The following R3HDM1 variants were observed in gnomAD, a reference collection of about 807,000 sequenced individuals.
The protein encoded by R3HDM1 is R3H domain containing 1.
In R3HDM1, 46 loss-of-function variants were observed where a neutral mutation model predicts 141.1. The observed-to-expected ratio is 0.33, with a 90% confidence interval of 0.26 to 0.42. The LOEUF (loss-of-function observed/expected upper bound fraction) is 0.42. R3HDM1 is among the 10% of genes least tolerant of loss of function. R3HDM1 has a pLI of 1.00. For synonymous variants in R3HDM1, 435 were observed against 472.9 expected, an observed-to-expected ratio of 0.92 and a Z score of 1.04; for missense variants, 1,184 against 1,368.3, an observed-to-expected ratio of 0.87 and a Z score of 2.12.
chr2:135,646,871 G>T (rs2064501712), intron 16 of R3HDM1, among the ~76,000 whole-genome samples: 2 of 134,290 alleles, frequency 1.5e-5, no homozygotes, highest in African/African-American at 3.1e-5. Context: ...ATAAATAAGT[G>T]AGTATCCCTT....
At chr2:135,553,425 A>C (rs929754250) in intron 1 of R3HDM1, among the ~76,000 whole-genome samples, 2 of 152,172 alleles carry the variant, frequency 1.3e-5, no homozygotes, top group African/African-American at 4.8e-5. Flanking sequence ...CCAGATTAGC[A>C]ATAATAATGT....
At chr2:135,602,741 T>C (rs2059717483) in intron 2 of R3HDM1, 33 bp downstream of exon 2, 7 of 1,429,904 alleles carry the variant, frequency 4.9e-6, no homozygotes, top group African/African-American at 1.5e-5. Flanking sequence ...AAAAACATAT[T>C]TTTCTTACAA....
At chr2:135,638,464 G>GA (rs1045056807) in intron 11 of R3HDM1, among the ~76,000 whole-genome samples, 154 bp from the exon 12 acceptor site, 6 of 151,696 alleles carry the variant, frequency 4.0e-5, no homozygotes, top group African/African-American at 1.2e-4. Context: ...CTCCAAACCA[G>GA]AAAAAAAATT....
chr2:135,578,972 A>G (rs1006280611), intron 1 of R3HDM1, among the ~76,000 whole-genome samples: 2 of 152,220 alleles, frequency 1.3e-5, no homozygotes, highest in African/African-American at 4.8e-5. Flanking sequence ...ATACAAAAAT[A>G]CATAATACAG....
rs776649459 is a variant in R3HDM1, at chr2:135,680,236, C to T, written c.2371C>T (p.Pro791Ser). The T allele has an allele frequency of 2.6e-5, 42 of 1,613,402 alleles. No individual in the cohort carries two copies. Among genetic ancestry groups the T allele is most frequent in the Non-Finnish European group, 3.4e-5 (40 of 1,179,530 alleles). ...GACTTATCAACAGCCTGTTATGTTC[C>T]CTAATCAGTCTAATCAAGGATCTAT... ...HQTYQQPVMF[P>S]NQSNQGSMPT... Residue 791 changes from proline to serine, a missense_variant, in exon 21 of 27, where the codon CCT becomes TCT. This residue lies in a region of R3HDM1 where 563 missense variants were observed against 562.0 expected (regional missense o/e 1.00). Transcript: ENST00000683871.
At chr2:135,614,097 C>T (rs961210519) in intron 3 of R3HDM1, among the ~76,000 whole-genome samples, 1 of 152,200 alleles carries the variant, frequency 6.6e-6, no homozygotes, top group African/African-American at 2.4e-5. Context: ...AGCACAGTAC[C>T]TGGTGTACAG....
intron 1 of R3HDM1, among the ~76,000 whole-genome samples, chr2:135,588,262 T>C (rs1277010671): frequency 1.3e-5 from 2 of 152,018 alleles, no homozygotes; most frequent in African/African-American, 4.8e-5. Flanking sequence ...CCCTTCTTTC[T>C]TCTCCCTCTC....
intron 14 of R3HDM1, 63 bp from the exon 15 acceptor site, chr2:135,641,473 T>A: frequency 6.7e-7 from 1 of 1,493,296 alleles, no homozygotes; most frequent in Admixed American, 2.2e-5. Context: ...ATTGTTGTTT[T>A]AAAAACCTGT....
At chr2:135,600,477 C>T (rs1482329549) in intron 1 of R3HDM1, among the ~76,000 whole-genome samples, 3 of 152,108 alleles carry the variant, frequency 2.0e-5, no homozygotes, top group African/African-American at 7.2e-5. Flanking sequence ...GGCTGTGGTC[C>T]GTGCTCTACA....
intron 21 of R3HDM1, among the ~76,000 whole-genome samples, chr2:135,690,549 G>A (rs1395618526): frequency 6.6e-6 from 1 of 152,052 alleles, no homozygotes; most frequent in African/African-American, 2.4e-5. Flanking sequence ...ATACCCTACA[G>A]CATATCTGCA....
intron 3 of R3HDM1, among the ~76,000 whole-genome samples, chr2:135,612,869 T>C (rs904330050): frequency 1.3e-5 from 2 of 152,234 alleles, no homozygotes; most frequent in Non-Finnish European, 2.9e-5. Context: ...TACAAAAATA[T>C]GAAATAAAAT....
chr2:135,541,214 T>A (rs1697408298), intron 1 of R3HDM1, among the ~76,000 whole-genome samples: 1 of 152,110 alleles, frequency 6.6e-6, no homozygotes, highest in Non-Finnish European at 1.5e-5. Flanking sequence ...CTTCTTTTTT[T>A]TTTGGAGACA....
At chr2:135,667,605 T>G (rs1394962519) in intron 19 of R3HDM1, 1 of 952,980 alleles carries the variant, frequency 1.0e-6, no homozygotes, top group East Asian at 1.2e-4. Context: ...TAAAATATAC[T>G]TTTTAGTGAA....
intron 1 of R3HDM1, among the ~76,000 whole-genome samples, chr2:135,543,316 G>A (rs781073485): frequency 7.9e-5 from 12 of 151,922 alleles, no homozygotes; most frequent in South Asian, 2.1e-4. Context: ...ATTCTATTTC[G>A]TTGATTTATA....
chr2:135,663,991 G>A (rs575590583), intron 19 of R3HDM1, among the ~76,000 whole-genome samples: 9 of 143,750 alleles, frequency 6.3e-5, no homozygotes, highest in South Asian at 2.2e-4. Flanking sequence ...CTGAGATGGC[G>A]CCACTGCACT....
At position 135,651,833 on chromosome 2, in the gene R3HDM1, T is replaced by C; in HGVS notation, c.1829T>C (p.Leu610Pro). 6.2e-7 allele frequency: 1 copy of C among 1,614,150 alleles called. No homozygotes were observed. Among genetic ancestry groups the C allele is most frequent in the South Asian group, 1.1e-5 (1 of 91,080 alleles). ...HAAMFQSTVV[L>P]QSPQQSGYIM... Reference sequence around the variant, plus strand: ...GCCATGTTCCAGTCCACTGTGGTTCTTCAGTCTCCACAGCAGTCTGGTTAT... The same window carrying C: ...GCCATGTTCCAGTCCACTGTGGTTCCTCAGTCTCCACAGCAGTCTGGTTAT... Residue 610 changes from leucine to proline, a missense_variant, in exon 18 of 27, where the codon CTT (leucine) becomes CCT (proline). Leu to Pro is a moderately conservative substitution (Grantham distance 98). Coordinates refer to ENST00000683871, the MANE Select transcript of R3HDM1 (RefSeq NM_001378107.1).
intron 1 of R3HDM1, among the ~76,000 whole-genome samples, chr2:135,601,612 C>T (rs1025190554): frequency 2.6e-5 from 4 of 151,958 alleles, no homozygotes; most frequent in East Asian, 1.9e-4. Flanking sequence ...TCATTCATAC[C>T]GAATAAATAT....
At chr2:135,667,573 AT>A (rs895832849) in intron 19 of R3HDM1, 23 of 878,890 alleles carry the variant, frequency 2.6e-5, no homozygotes, top group South Asian at 1.1e-4. Flanking sequence ...CACAGGAAGA[AT>A]TTTTTTTAAT....
intron 20 of R3HDM1, among the ~76,000 whole-genome samples, chr2:135,677,150 T>G (rs569710978): frequency 6.6e-6 from 1 of 152,330 alleles, no homozygotes; most frequent in African/African-American, 2.4e-5. Context: ...CCATATAATT[T>G]CAGAAAATTG....
Sources: allele counts gnomAD v4.1 joint callset (sites outside exome capture counted in the v4.1 genomes callset), GRCh38; gene constraint gnomAD v4.1.1; regional missense constraint gnomAD v4.1.1; transcripts MANE v1.5; gene names NCBI Gene and HGNC (gene_info 2026-07-23, HGNC 2026-07-21).